SCN4A: variants seen among roughly 807,000 people sequenced by gnomAD.
SCN4A encodes the protein sodium voltage-gated channel alpha subunit 4.
In SCN4A, 83 loss-of-function variants were observed where a neutral mutation model predicts 162.0. The ratio of observed to expected loss-of-function variants is 0.51; its 90% CI spans 0.43 to 0.61. The LOEUF is 0.61. Ranked by LOEUF, SCN4A falls within the 20% of genes least tolerant of loss-of-function variation. SCN4A has a pLI of 0.00. For missense variants in SCN4A, 2,196 were observed against 2,462.5 expected (o/e 0.89, Z 2.29); for synonymous variants, 944 against 985.1 (o/e 0.96, Z 0.78).
intron 18 of SCN4A, among the ~76,000 whole-genome samples, chr17:63,946,840 T>C (rs1597970301): frequency 6.8e-6 from 1 of 147,696 alleles, no homozygotes; most frequent in African/African-American, 2.5e-5. Flanking sequence ...GGGCTGAGAG[T>C]GGGAATGGGG....
chr17:63,949,523 C>G lies in SCN4A; in HGVS notation c.2859G>C (p.Pro953=). 1 of 1,605,790 alleles carries G rather than the reference C, an allele frequency of 6.2e-7. No homozygotes were observed. The highest frequency in any genetic ancestry group is 1.1e-5 in the South Asian group (1 of 90,474). Residue 953 remains proline (P), a synonymous_variant, in exon 15 of 24, where the codon CCG becomes CCC. Transcript: ENST00000435607. ...AGTTCCCATCATAGAGAGGCTGCGG[C>G]GGCTTCTGCGGAGGCCACAGGGTCA... is the stretch of plus-strand genomic sequence containing the variant. The part of the protein sequence containing the change: ...TFSEPEDSKK[P]PQPLYDGNSS...
rs121908551 is a variant in SCN4A, at chr17:63,944,708, C to T, written c.3877G>A (p.Val1293Ile). The T allele has an allele frequency of 8.7e-6, 14 of 1,611,152 alleles. No homozygotes were observed. The highest frequency in any genetic ancestry group is 1.1e-5 in the South Asian group (1 of 90,508). ...TGCTGGTTGAAGTTGTCAATGATGA[C>T]GCCAATGAAGAGGTTGAGGGTGAAG... The part of the protein sequence containing the change: ...SFFTLNLFIG[V>I]IIDNFNQQKK... Residue 1293 changes from valine (V) to isoleucine (I), a missense_variant, in exon 21 of 24, where the codon GTC becomes ATC. Physicochemically the swap from Val to Ile is conservative, Grantham distance 29. Transcript: ENST00000435607. This position sits in a 1 kb window ranked among gnomAD's most constrained non-coding sequence, Gnocchi z 4.3.
At chr17:63,947,867 G>GGGCC in intron 17 of SCN4A, 23 bp downstream of exon 17, 1 of 1,610,538 alleles carries the variant, frequency 6.2e-7, no homozygotes, top group South Asian at 1.1e-5. Context: ...ATGTAGCTAC[G>GGGCC]GGGCCAGCGT....
rs527236149 is a variant in SCN4A at position 63,947,100 on chromosome 17, C to T, written c.3386G>A (p.Arg1129Gln). Residue 1129 changes from arginine to glutamine, a missense_variant, in exon 18 of 24, where the codon CGG becomes CAG. Transcript: ENST00000435607. ...CAGGGGACGCAGGGCCCGCAGTGTC[C>T]GCAGGGATTTGATGGGTCCCAGCTC... Reference protein sequence around the residue: ...YSELGPIKSLRTLRALRPLRA... With the variant: ...YSELGPIKSLQTLRALRPLRA... 30 of 1,613,500 alleles carry T rather than the reference C, an allele frequency of 1.9e-5. No homozygotes were observed. The Admixed American group carries it at 2.3e-4, about 13-fold the overall frequency.
chr17:63,951,472 C>A lies in SCN4A; in HGVS notation c.2805G>T (p.Met935Ile), dbSNP rs1168767843. Residue 935 changes from methionine (M) to isoleucine (I), a missense_variant, in exon 14 of 24, where the codon ATG (methionine) becomes ATT (isoleucine). Transcript: ENST00000435607. This position sits in a 1 kb window ranked among gnomAD's most constrained non-coding sequence, Gnocchi z 4.5. ...AAGTGTCGGTTTCCTCCTCGGTGGG[C>A]ATCTCCAGGTCGGACTCCTCGGAGG... The part of the protein sequence containing the change: ...PIASEESDLE[M>I]PTEEETDTFS... The A allele has an allele frequency of 3.1e-6, 5 of 1,608,380 alleles. No homozygotes were observed. The highest frequency in any genetic ancestry group is 4.5e-5 in the East Asian group (2 of 44,726).
chr17:63,949,635 G>C (rs879055817), intron 14 of SCN4A, 107 bp from the exon 15 acceptor site: 1 of 1,318,338 alleles, frequency 7.6e-7, no homozygotes, highest in East Asian at 2.4e-5. Context: ...AAGAAGAGAG[G>C]GAGGAGCAAA....
chr17:63,943,787 G>A lies in SCN4A; in HGVS notation c.3976C>T (p.Leu1326Phe), dbSNP rs780791198. 5 of 1,613,478 alleles carry A rather than the reference G, an allele frequency of 3.1e-6. No individual in the cohort carries two copies. The highest frequency in any genetic ancestry group is 1.1e-5 in the South Asian group (1 of 91,054). ...GGCTTCTGAGGCTTCTTGGAGCCAA[G>A]CTTCTTCATGGCGTTATAGTATTTC... is the stretch of plus-strand genomic sequence containing the variant. ...QKKYYNAMKKLGSKKPQKPIP... is the reference protein window; with the variant it reads ...QKKYYNAMKKFGSKKPQKPIP... The change falls in exon 22 of 24, where the codon CTT becomes TTT. Residue 1326 changes from leucine (L) to phenylalanine (F), a missense_variant. Leu to Phe is a conservative substitution (Grantham distance 22, BLOSUM62 0). Transcript: ENST00000435607.
chr17:63,942,692 G>A, intron 23 of SCN4A, 134 bp downstream of exon 23: 1 of 911,022 alleles, frequency 1.1e-6, no homozygotes, highest in Non-Finnish European at 1.7e-6. Flanking sequence ...CATTGAGAGT[G>A]AATGGCAGGC....
Position 63,939,111 on chromosome 17 carries a change from C to T in SCN4A, c.*1660G>A, listed in dbSNP as rs1908438873. ...ACACACACGTGTTCACACACTCAAG[C>T]ACACATACATGTCTTGTTTTGAAGG... On this transcript the variant is annotated 3_prime_UTR_variant, in exon 24 of 24. Transcript: ENST00000435607. The T allele has an allele frequency of 6.6e-6, 1 of 152,670 alleles. No individual in the cohort carries two copies. Among genetic ancestry groups the T allele is most frequent in the Non-Finnish European group, 1.5e-5 (1 of 68,058 alleles). 9.5% of individuals were successfully genotyped at this position (152,670 alleles called of 1,614,324 possible). A position where few individuals can be genotyped will look rare whatever the true frequency, so the allele number is the denominator to read the frequency against.
chr17:63,961,465 G>A (rs1050852609), intron 10 of SCN4A, 34 bp from the exon 11 acceptor site: 59 of 1,503,606 alleles, frequency 3.9e-5, no homozygotes, highest in Non-Finnish European at 5.5e-5. Context: ...ATCTGGTGAG[G>A]ATTATCCCCT....
intron 12 of SCN4A, among the ~76,000 whole-genome samples, 153 bp from the exon 13 acceptor site, chr17:63,957,671 A>G (rs1003639024): frequency 4.6e-5 from 7 of 151,922 alleles, no homozygotes; most frequent in African/African-American, 1.7e-4. Flanking sequence ...AAATGGGAAC[A>G]CTCATTCTAC....
At chr17:63,942,522 G>A (rs1383617671) in intron 23 of SCN4A, among the ~76,000 whole-genome samples, 2 of 152,252 alleles carry the variant, frequency 1.3e-5, no homozygotes, top group Non-Finnish European at 2.9e-5. Flanking sequence ...ACGCATGACT[G>A]TGCACTTCTC....
intron 13 of SCN4A, among the ~76,000 whole-genome samples, chr17:63,956,049 GA>G (rs1909062429): frequency 6.6e-6 from 1 of 152,208 alleles, no homozygotes; most frequent in Admixed American, 6.5e-5. Flanking sequence ...CCAAGAAGGG[GA>G]GAAGTCAGGG....
At position 63,944,839 on chromosome 17, in the gene SCN4A, G is replaced by C; in HGVS notation, c.3775-29C>G. ...TGGGAGCCACAGGGTGGGACGGCGT[G>C]GGTTTGCACGCTGGCTTCTCCCTGC... On this transcript the variant is annotated intron_variant, in intron 20 of 23. Transcript: ENST00000435607. The surrounding 1 kb of genome is among the most constrained non-coding windows in gnomAD (Gnocchi z 4.3). 1 of 1,610,378 alleles carries C rather than the reference G, an allele frequency of 6.2e-7. No homozygotes were observed. The highest frequency in any genetic ancestry group is 8.5e-7 in the Non-Finnish European group (1 of 1,177,922).
chr17:63,970,979 C>T (rs1909591792), intron 5 of SCN4A, among the ~76,000 whole-genome samples, 183 bp downstream of exon 5: 1 of 152,240 alleles, frequency 6.6e-6, no homozygotes, highest in Admixed American at 6.5e-5. Context: ...CTCAAACGCC[C>T]ATCCTTCCAT....
intron 15 of SCN4A, 50 bp from the exon 16 acceptor site, chr17:63,948,815 G>T (rs965657206): frequency 6.5e-7 from 1 of 1,532,790 alleles, no homozygotes; most frequent in Admixed American, 1.8e-5. Context: ...TGGGCCTGGG[G>T]TTGCCTTGGG....
In SCN4A at chr17:63,942,977, C is replaced by G. The variant is rs750970749; in HGVS notation, c.4137G>C (p.Gln1379His). Reference sequence around the variant, plus strand: ...TGTTGTACAGGATGTCCACCTTGAGCTGGCTCTGGTTGTCTGTCTCCACCA... The same window carrying G: ...TGTTGTACAGGATGTCCACCTTGAGGTGGCTCTGGTTGTCTGTCTCCACCA... ...TMMVETDNQS[Q>H]LKVDILYNIN... The change falls in exon 23 of 24, where the codon CAG becomes CAC. Residue 1379 changes from glutamine (Q) to histidine (H), a missense_variant. Physicochemically the swap from Gln to His is conservative, Grantham distance 24. Coordinates refer to ENST00000435607, the MANE Select transcript of SCN4A (RefSeq NM_000334.4). 4.3e-6 allele frequency: 7 copies of G among 1,613,994 alleles called. No homozygotes were observed. In the Middle Eastern group the frequency reaches 5.0e-4, roughly 114 times the overall value.
At chr17:63,952,281 C>T (rs572014929) in intron 13 of SCN4A, among the ~76,000 whole-genome samples, 4 of 151,908 alleles carry the variant, frequency 2.6e-5, no homozygotes, top group East Asian at 1.9e-4. Flanking sequence ...TTTCGGCTCA[C>T]GGCAACCTCC....
rs113385942 is a variant in SCN4A, at chr17:63,939,403, C to G, written c.*1368G>C. The G allele has an allele frequency of 0.017, 2,296 of 136,192 alleles. 27 individuals are homozygous for G. The highest frequency in any genetic ancestry group is 0.028 in the Middle Eastern group (7 of 246). The allele number at this position is 136,192 out of a possible 1,614,324, so 8.4% of individuals were successfully genotyped here. A position where few individuals can be genotyped will look rare whatever the true frequency, so the allele number is the denominator to read the frequency against. On this transcript the variant is annotated 3_prime_UTR_variant, in exon 24 of 24. Coordinates refer to ENST00000435607, the MANE Select transcript of SCN4A (RefSeq NM_000334.4). ...ACACATATATACAAAGATACCCAGACACGTGCATAATGCAGGCTCCAGTAC... is the reference window on the plus strand; with the variant it reads ...ACACATATATACAAAGATACCCAGAGACGTGCATAATGCAGGCTCCAGTAC...
Sources: allele counts gnomAD v4.1 joint callset (sites outside exome capture counted in the v4.1 genomes callset), GRCh38; gene constraint gnomAD v4.1.1; non-coding constraint Gnocchi (gnomAD v3.1); transcripts MANE v1.5; gene names NCBI Gene and HGNC (gene_info 2026-07-23, HGNC 2026-07-21).